The following SYNE2 variants were observed in gnomAD, a reference collection of about 807,000 sequenced individuals.
The protein encoded by SYNE2 is spectrin repeat containing nuclear envelope protein 2, also known as nesprin-2.
A neutral mutation model predicts 856.3 loss-of-function variants in SYNE2; 431 were observed. That is an observed-to-expected ratio of 0.50 (90% CI 0.47 to 0.55). The LOEUF is 0.55. Ranked by LOEUF, SYNE2 falls within the 20% of genes least tolerant of loss-of-function variation. The probability of loss-of-function intolerance (pLI) is 0.00; values close to 1 mark genes in which losing one functional copy is unlikely to be tolerated. For missense variants in SYNE2, 8,129 were observed against 8,023.2 expected, an observed-to-expected ratio of 1.01 and a Z score of -0.50; for synonymous variants, 2,923 against 2,872.3, an observed-to-expected ratio of 1.02 and a Z score of -0.56.
intron 112 of SYNE2, among the ~76,000 whole-genome samples, chr14:64,222,164 A>C (rs540998035): frequency 6.6e-6 from 1 of 151,688 alleles, no homozygotes; most frequent in Non-Finnish European, 1.5e-5. Flanking sequence ...CTGTATTCTC[A>C]CTGGTGCTCA....
chr14:64,034,430 A>G, intron 45 of SYNE2: 1 of 448,200 alleles, frequency 2.2e-6, no homozygotes, highest in Non-Finnish European at 4.0e-6. Flanking sequence ...AATAGACCCC[A>G]GAAGAATTTT....
intron 1 of SYNE2, among the ~76,000 whole-genome samples, chr14:63,856,772 C>A (rs1371652420): frequency 2.0e-5 from 3 of 151,712 alleles, no homozygotes; most frequent in Non-Finnish European, 2.9e-5. Flanking sequence ...AGTGTAAATT[C>A]ACTTATTTTA....
intron 1 of SYNE2, among the ~76,000 whole-genome samples, chr14:63,797,954 TGAAAAA>T (rs1335045345): frequency 6.6e-6 from 1 of 152,212 alleles, no homozygotes; most frequent in Non-Finnish European, 1.5e-5. Context: ...AAACTAAACT[TGAAAAA>T]GAACAAAGAA....
At chr14:64,191,858 C>T (rs1596119085) in intron 99 of SYNE2, among the ~76,000 whole-genome samples, 1 of 152,278 alleles carries the variant, frequency 6.6e-6, no homozygotes, top group Middle Eastern at 3.4e-3. Context: ...TTGACTTTCC[C>T]ACTTATTCAC....
chr14:63,816,540 T>G (rs1889002159), intron 1 of SYNE2, among the ~76,000 whole-genome samples: 1 of 152,038 alleles, frequency 6.6e-6, no homozygotes, highest in Non-Finnish European at 1.5e-5. Context: ...CCTTCTTCCC[T>G]GAAGCAGGTC....
intron 1 of SYNE2, among the ~76,000 whole-genome samples, chr14:63,905,739 G>A (rs2095401165): frequency 6.6e-6 from 1 of 152,144 alleles, no homozygotes; most frequent in African/African-American, 2.4e-5. Context: ...CATATCATCA[G>A]CAAAGAGAGA....
rs34952817 is a variant in SYNE2, at chr14:63,837,918, CAAAAAAA to C, written c.-304-14565_-304-14559del. On this transcript the variant is annotated intron_variant, in intron 1 of 23. Transcript: ENST00000674003. ...TGGATGACAAAGTGAGACTCTGTTT[CAAAAAAA>C]AAAAAAAAAAAAAAAAAGAGCAAAG... Among the ~76,000 whole-genome samples, 13 of 62,186 alleles carry C rather than the reference CAAAAAAA, an allele frequency of 2.1e-4. No individual in the cohort carries two copies. The East Asian group carries it at 2.3e-3, about 11-fold the overall frequency. The allele number at this position is 62,186 out of a possible 152,430, so 40.8% of individuals were successfully genotyped here. A position where few individuals can be genotyped will look rare whatever the true frequency, so the allele number is the denominator to read the frequency against.
intron 1 of SYNE2, among the ~76,000 whole-genome samples, chr14:63,781,831 T>C (rs8003797): frequency 0.13 from 20,104 of 152,026 alleles, 1,724 homozygotes; most frequent in African/African-American, 0.24. Flanking sequence ...GTATAGAATA[T>C]CCTGTGTCAA....
At chr14:63,981,422 C>G (rs951979044) in intron 16 of SYNE2, among the ~76,000 whole-genome samples, 1 of 152,098 alleles carries the variant, frequency 6.6e-6, no homozygotes, top group Non-Finnish European at 1.5e-5. Context: ...ATAGAGCTTT[C>G]TTAAGGTATA....
chr14:64,091,727 G>A (rs1402710439), intron 60 of SYNE2, among the ~76,000 whole-genome samples: 3 of 152,124 alleles, frequency 2.0e-5, no homozygotes, highest in Non-Finnish European at 4.4e-5. Context: ...ATAATCTTTA[G>A]TTTGTATTCC....
At chr14:63,909,934 A>G (rs567868963) in intron 2 of SYNE2, among the ~76,000 whole-genome samples, 1 of 152,342 alleles carries the variant, frequency 6.6e-6, no homozygotes, top group Admixed American at 6.5e-5. Context: ...CATGTGAATC[A>G]TGTGTGCATG....
intron 1 of SYNE2, among the ~76,000 whole-genome samples, chr14:63,790,602 T>G (rs1413013773): frequency 1.3e-5 from 2 of 152,176 alleles, no homozygotes; most frequent in African/African-American, 4.8e-5. Flanking sequence ...GAGGAGCATT[T>G]CCAAGGTATA....
chr14:64,184,329 G>GGGGGGT (rs1555532246), intron 96 of SYNE2, among the ~76,000 whole-genome samples: 1 of 144,164 alleles, frequency 6.9e-6, no homozygotes, highest in African/African-American at 2.6e-5. Flanking sequence ...TATGCATAGG[G>GGGGGGT]GTGTGTGTGT....
At chr14:63,854,038 A>G (rs1891114291) in intron 1 of SYNE2, among the ~76,000 whole-genome samples, 2 of 150,906 alleles carry the variant, frequency 1.3e-5, no homozygotes, top group South Asian at 2.1e-4. Context: ...TCCGAAAGTT[A>G]TTTCCCCCTC....
intron 110 of SYNE2, 145 bp from the exon 111 acceptor site, chr14:64,220,292 C>T: frequency 1.1e-6 from 1 of 926,776 alleles, no homozygotes; most frequent in Non-Finnish European, 1.7e-6. Context: ...TGATGCTTTC[C>T]AGCCAGTCCC....
At chr14:63,971,411 C>T (rs771773697) in intron 11 of SYNE2, among the ~76,000 whole-genome samples, 2 of 152,178 alleles carry the variant, frequency 1.3e-5, no homozygotes, top group Admixed American at 6.5e-5. Context: ...CCACCACACC[C>T]ACCCTTAGAG....
intron 11 of SYNE2, among the ~76,000 whole-genome samples, chr14:63,974,884 GTGTGTGTGTATATATATATATATATA>G (rs2096525692): frequency 7.3e-5 from 2 of 27,292 alleles, no homozygotes; most frequent in South Asian, 2.3e-3. Context: ...GTGTGTGTGT[GTGTGTGTGTATATATATATATATATA>G]TATATATGTA....
rs10150524 is a variant in SYNE2 at position 64,148,993 on chromosome 14, T to C, written c.15639+2770T>C. Among the ~76,000 whole-genome samples, 1,191 of 150,578 alleles carry C rather than the reference T, an allele frequency of 7.9e-3. 11 individuals are homozygous for C. Among genetic ancestry groups the C allele is most frequent in the African/African-American group, 0.021 (871 of 40,552 alleles). On this transcript the variant is annotated intron_variant, in intron 84 of 115. Transcript: ENST00000555002. The stretch of plus-strand genomic sequence containing the variant: ...TAATTTCTCTTTTTTTTTTTTTTTT[T>C]CCACTATTCTTTGCATACAAGAACT...
intron 99 of SYNE2, among the ~76,000 whole-genome samples, chr14:64,194,148 T>C (rs1369476731): frequency 1.3e-5 from 2 of 152,226 alleles, no homozygotes; most frequent in Admixed American, 6.5e-5. Flanking sequence ...TTTAAAGCAC[T>C]ATATATATGT....
Sources: allele counts gnomAD v4.1 joint callset (sites outside exome capture counted in the v4.1 genomes callset), GRCh38; gene constraint gnomAD v4.1.1; transcripts MANE v1.5; gene names NCBI Gene and HGNC (gene_info 2026-07-23, HGNC 2026-07-21).